Variants in FAAH2 observed in about 807,000 individuals in gnomAD.
The protein encoded by FAAH2 is fatty acid amide hydrolase 2.
Under a neutral mutation model 36.9 loss-of-function variants are expected in FAAH2, and 60 were observed. That is an observed-to-expected ratio of 1.63 (90% CI 1.32 to 2.02). The LOEUF is 2.02. FAAH2 is among the 30% of genes most tolerant of loss of function. The probability of loss-of-function intolerance (pLI) is 0.00; values close to 1 mark genes in which losing one functional copy is unlikely to be tolerated. For missense variants in FAAH2, 689 were observed against 397.5 expected, an observed-to-expected ratio of 1.73 and a Z score of -6.23; for synonymous variants, 214 against 143.8, an observed-to-expected ratio of 1.49 and a Z score of -3.49.
the FAAH2 span, chrX:57,135,524 T>A: frequency 5.5e-6 from 2 of 364,555 alleles, no homozygotes; most frequent in Non-Finnish European, 9.2e-6. Flanking sequence ...CATTTTTAAA[T>A]GACTGATTAT....
At chrX:57,255,506 G>C in the FAAH2 span, among the ~76,000 whole-genome samples, 1 of 111,844 alleles carries the variant, frequency 8.9e-6, no homozygotes, top group Non-Finnish European at 1.9e-5. Flanking sequence ...CCCTGATGAA[G>C]ATCAAGGAGA....
chrX:57,486,415 A>G (rs748861327), intron 10 of FAAH2, among the ~76,000 whole-genome samples: 36 of 111,628 alleles, frequency 3.2e-4, no homozygotes, highest in Admixed American at 2.9e-3. Flanking sequence ...AAATGACATT[A>G]CATAAGGAAG....
At chrX:57,409,814 T>C (rs1039344252) in intron 7 of FAAH2, among the ~76,000 whole-genome samples, 1 of 111,002 alleles carries the variant, frequency 9.0e-6, no homozygotes, top group Admixed American at 9.6e-5. Flanking sequence ...GTCCAGCTAA[T>C]GTTTTCTCAA....
chrX:57,392,859 C>A (rs2055199620), intron 7 of FAAH2: 3 of 739,928 alleles, frequency 4.1e-6, no homozygotes, highest in Non-Finnish European at 6.4e-6. Context: ...TTTGGCCATG[C>A]AGATGGGGAG....
chrX:57,417,346 T>A (rs1330469214), intron 7 of FAAH2, among the ~76,000 whole-genome samples: 1 of 112,390 alleles, frequency 8.9e-6, no homozygotes, highest in East Asian at 2.8e-4. Flanking sequence ...GTGCTGTTTT[T>A]TCCTCATCAT....
chrX:57,378,257 C>T, intron 5 of FAAH2, among the ~76,000 whole-genome samples: 2 of 111,861 alleles, frequency 1.8e-5, no homozygotes, highest in Middle Eastern at 9.2e-3. Context: ...GCTTTGTATA[C>T]AAGCTAAAGG....
the FAAH2 span, among the ~76,000 whole-genome samples, chrX:57,193,606 C>T: frequency 2.7e-5 from 3 of 111,526 alleles, no homozygotes; most frequent in South Asian, 3.8e-4. Flanking sequence ...ATGTCTCCCC[C>T]GGATGCCCAG....
the FAAH2 span, among the ~76,000 whole-genome samples, chrX:57,154,643 T>G: frequency 9.0e-6 from 1 of 111,208 alleles, no homozygotes; most frequent in Non-Finnish European, 1.9e-5. Flanking sequence ...TTGATTAGCT[T>G]AATAATCAAC....
intron 10 of FAAH2, among the ~76,000 whole-genome samples, chrX:57,450,545 G>T (rs1226427061): frequency 2.7e-5 from 3 of 111,856 alleles, no homozygotes; most frequent in Non-Finnish European, 5.6e-5. Context: ...AATATAAGAG[G>T]TTTGTGAGAC....
At chrX:57,239,978 C>T in the FAAH2 span, among the ~76,000 whole-genome samples, 3 of 111,897 alleles carry the variant, frequency 2.7e-5, no homozygotes, top group Admixed American at 9.5e-5. Flanking sequence ...TGACTTTCTC[C>T]TGAATTTCTG....
chrX:57,471,673 T>A (rs1370952166), intron 10 of FAAH2, among the ~76,000 whole-genome samples: 11 of 111,787 alleles, frequency 9.8e-5, no homozygotes, highest in Non-Finnish European at 5.6e-5. Context: ...CTGCCCAAGG[T>A]AATTTATAGA....
At position 57,470,863 on chromosome X, in the gene FAAH2, C is replaced by G. The variant is rs1385287993; in HGVS notation, c.1424-17894C>G. On this transcript the variant is annotated intron_variant, in intron 10 of 10. Coordinates refer to ENST00000374900, the MANE Select transcript of FAAH2 (RefSeq NM_174912.4). Reference sequence around the variant, plus strand: ...AATCCTCAATAAAATACTGGCAAACCGAATCCAGCAGCACATAAAAAAGCT... The same window carrying G: ...AATCCTCAATAAAATACTGGCAAACGGAATCCAGCAGCACATAAAAAAGCT... Among the ~76,000 whole-genome samples, 4 of 111,367 alleles carry G rather than the reference C, an allele frequency of 3.6e-5. No homozygotes were observed. In the East Asian group the frequency reaches 1.1e-3, roughly 31 times the overall value.
At chrX:57,263,019 G>T in the FAAH2 span, among the ~76,000 whole-genome samples, 1 of 111,385 alleles carries the variant, frequency 9.0e-6, no homozygotes, top group African/African-American at 3.3e-5. Flanking sequence ...TGGTAAAAGT[G>T]TGAGAGCTTT....
chrX:57,442,889 G>T (rs989172660), intron 8 of FAAH2, among the ~76,000 whole-genome samples: 1 of 110,636 alleles, frequency 9.0e-6, no homozygotes, highest in South Asian at 3.9e-4. Context: ...GGCTGGATAT[G>T]AAATTCTGGT....
chrX:57,400,661 G>A lies in FAAH2; in HGVS notation c.996+19632G>A, dbSNP rs564460591. On this transcript the variant is annotated intron_variant, in intron 7 of 10. Transcript: ENST00000374900. ...GTTATGCCAAGGAACCCTCTTAGTTGCTTTAGGGTTTTGGGATGAGGATAA... is the reference window on the plus strand; with the variant it reads ...GTTATGCCAAGGAACCCTCTTAGTTACTTTAGGGTTTTGGGATGAGGATAA... Among the ~76,000 whole-genome samples, 8 of 112,636 alleles carry A rather than the reference G, an allele frequency of 7.1e-5. No individual in the cohort carries two copies. In the East Asian group the frequency reaches 8.4e-4, roughly 12 times the overall value.
At chrX:57,309,478 G>A (rs1332153194) in intron 2 of FAAH2, among the ~76,000 whole-genome samples, 1 of 111,725 alleles carries the variant, frequency 9.0e-6, no homozygotes, top group African/African-American at 3.3e-5. Context: ...TTTATTTTAA[G>A]TACTGGGGTA....
chrX:57,421,057 T>C (rs978558269), intron 7 of FAAH2, among the ~76,000 whole-genome samples: 7 of 112,262 alleles, frequency 6.2e-5, no homozygotes, highest in African/African-American at 2.3e-4. Context: ...CCAGTACTCT[T>C]CCCAGCCTCT....
intron 4 of FAAH2, among the ~76,000 whole-genome samples, chrX:57,334,180 G>A (rs1168944674): frequency 1.8e-5 from 2 of 108,382 alleles, no homozygotes; most frequent in African/African-American, 3.3e-5. Context: ...TGGGGCAAGA[G>A]AATTGCTTGA....
chrX:57,429,847 T>C (rs771867976), intron 7 of FAAH2, among the ~76,000 whole-genome samples: 1 of 110,128 alleles, frequency 9.1e-6, no homozygotes, highest in Admixed American at 9.6e-5. Context: ...TATTCAGCCA[T>C]TAAAAAAGAG....
Sources: allele counts gnomAD v4.1 joint callset (sites outside exome capture counted in the v4.1 genomes callset), GRCh38; gene constraint gnomAD v4.1.1; transcripts MANE v1.5; gene names NCBI Gene and HGNC (gene_info 2026-07-23, HGNC 2026-07-21).